The following MXRA8 variants were observed in gnomAD, a reference collection of about 807,000 sequenced individuals.
The protein encoded by MXRA8 is matrix remodeling associated 8.
Under a neutral mutation model 51.4 loss-of-function variants are expected in MXRA8, and 44 were observed. The observed-to-expected ratio is 0.86, with a 90% CI of 0.67 to 1.10. The LOEUF (loss-of-function observed/expected upper bound fraction) is 1.10. MXRA8 is among the 50% of genes least tolerant of loss of function. The pLI is 0.00. For synonymous variants in MXRA8, 369 were observed against 293.5 expected, an observed-to-expected ratio of 1.26 and a Z score of -2.63; for missense variants, 765 against 638.9, an observed-to-expected ratio of 1.20 and a Z score of -2.13.
At chr1:1,358,263 C>T (rs972745641) in intron 1 of MXRA8, among the ~76,000 whole-genome samples, 193 bp downstream of exon 1, 3 of 152,230 alleles carry the variant, frequency 2.0e-5, no homozygotes, top group Non-Finnish European at 4.4e-5. Context: ...GGAGGGGAGG[C>T]TGGCCAAAGT....
chr1:1,354,367 G>C lies in MXRA8; in HGVS notation c.1092C>G (p.Arg364=). 1 of 1,611,380 alleles carries C rather than the reference G, an allele frequency of 6.2e-7. No homozygotes were observed. Among genetic ancestry groups the C allele is most frequent in the South Asian group, 1.1e-5 (1 of 90,944 alleles). Residue 364 remains arginine, a synonymous_variant, in exon 6 of 10, where the codon CGC becomes CGG. Transcript: ENST00000309212. ...LLLVTVLLAA[R]RRRGGYEYSD... ...GGGCAGCCTCACCTCCGCGGCGCCT[G>C]CGGGCGGCCAGGAGGACAGTGACCA...
upstream of MXRA8, chr1:1,361,421 G>A (rs185124059): frequency 7.5e-6 from 5 of 667,336 alleles, no homozygotes; most frequent in African/African-American, 5.3e-5. Flanking sequence ...ATGTGGTGGA[G>A]GGAATGAGAC....
In MXRA8 at chr1:1,354,877, G is replaced by A. The variant is rs747180843; in HGVS notation, c.754C>T (p.Arg252Cys). The A allele has an allele frequency of 3.1e-6, 5 of 1,611,680 alleles. No individual in the cohort carries two copies. The highest frequency in any genetic ancestry group is 2.5e-6 in the Non-Finnish European group (3 of 1,179,522). The stretch of plus-strand genomic sequence containing the variant: ...TCGATACGCAGTGAGAAGTCACCGC[G>A]CTCAAAGGCATCCGCGCCCACAGCC... ...RVAVGADAFE[R>C]GDFSLRIEPL... is the part of the protein sequence containing the mutation. Residue 252 changes from arginine to cysteine, a missense_variant, in exon 5 of 10, where the codon CGC becomes TGC. By Grantham distance (180) the Arg-to-Cys change is radical. Transcript: ENST00000309212.
At chr1:1,363,441 T>TTC (rs1231494328), upstream of MXRA8, among the ~76,000 whole-genome samples, 4 of 64,754 alleles carry the variant, frequency 6.2e-5, no homozygotes, top group Non-Finnish European at 1.5e-4. Flanking sequence ...GTTTTTTCTT[T>TTC]TTTTTTTTTT....
At chr1:1,354,296 C>T (rs1644070517) in intron 6 of MXRA8, 58 bp downstream of exon 6, 2 of 1,598,542 alleles carry the variant, frequency 1.3e-6, no homozygotes, top group African/African-American at 1.3e-5. Context: ...GCCCAGAGGA[C>T]CACCCTCCCG....
rs748112445 is a variant in MXRA8, at chr1:1,358,516, A to G, written c.-12T>C. ...GATGGCAGCGCCATGGCCCCCGCCCAGCCCCAGGCTTTGTCCCACTCGGCT... is the reference window on the plus strand; with the variant it reads ...GATGGCAGCGCCATGGCCCCCGCCCGGCCCCAGGCTTTGTCCCACTCGGCT... On this transcript the variant is annotated 5_prime_UTR_variant, in exon 1 of 10. Coordinates refer to ENST00000309212, the MANE Select transcript of MXRA8 (RefSeq NM_032348.4). 9.3e-6 allele frequency: 15 copies of G among 1,606,312 alleles called. No homozygotes were observed. In the South Asian group the frequency reaches 1.7e-4, roughly 18 times the overall value.
At chr1:1,361,122 T>TGAAG (rs1463126653), upstream of MXRA8, 3 of 695,078 alleles carry the variant, frequency 4.3e-6, no homozygotes, top group African/African-American at 5.3e-5. Context: ...TGCATGCACA[T>TGAAG]GAAGACACAC....
chr1:1,358,412 C>T, intron 1 of MXRA8, 44 bp downstream of exon 1: 1 of 1,575,542 alleles, frequency 6.3e-7, no homozygotes. Context: ...CTCGCACAGC[C>T]CCACGTGCCA....
upstream of MXRA8, chr1:1,359,527 CTTA>C (rs1557687051): frequency 1.0e-6 from 1 of 985,156 alleles, no homozygotes. Context: ...GTGAGCTCTC[CTTA>C]CAGGCCCCGA....
chr1:1,358,198 C>T lies in MXRA8; in HGVS notation c.49+258G>A, dbSNP rs538057965. On this transcript the variant is annotated intron_variant, in intron 1 of 9. Coordinates refer to ENST00000309212, the MANE Select transcript of MXRA8 (RefSeq NM_032348.4). ...GCTGCAGGAGGGGCCCCGAGGGAGA[C>T]GCCGCCGTGCCTGGGCCCCCAGCCC... Among the ~76,000 whole-genome samples, 19 of 152,320 alleles carry T rather than the reference C, an allele frequency of 1.2e-4. No homozygotes were observed. The East Asian group carries it at 2.5e-3, about 20-fold the overall frequency.
rs763990856 is a variant in MXRA8, at chr1:1,354,820, A to G, written c.811T>C (p.Ser271Pro). The change falls in exon 5 of 10, where the codon TCC (serine) becomes CCC (proline). Residue 271 changes from serine to proline, a missense_variant. Transcript: ENST00000309212. ...PLEVADEGTY[S>P]CHLHHHYCGL... is the part of the protein sequence containing the mutation. The stretch of plus-strand genomic sequence containing the variant: ...CAGTAATGGTGGTGCAGGTGGCAGG[A>G]GTAGGTGCCCTCGTCGGCGACCTCC... 12 of 1,612,214 alleles carry G rather than the reference A, an allele frequency of 7.4e-6. No homozygotes were observed. The highest frequency in any genetic ancestry group is 2.2e-5 in the South Asian group (2 of 91,074).
upstream of MXRA8, among the ~76,000 whole-genome samples, chr1:1,360,086 T>G (rs1032575867): frequency 2.0e-5 from 3 of 152,212 alleles, no homozygotes; most frequent in Non-Finnish European, 4.4e-5. Context: ...CCCTCGGGTC[T>G]GGGAGGGCCC....
Position 1,355,073 on chromosome 1 carries a change from G to C in MXRA8, c.558C>G (p.Cys186Trp). 2 of 1,600,036 alleles carry C rather than the reference G, an allele frequency of 1.2e-6. No homozygotes were observed. The highest frequency in any genetic ancestry group is 1.7e-6 in the Non-Finnish European group (2 of 1,175,864). ...CGGTCCACACGTGCCCGCGGTTCACGCAGGTCAGAAGCGCGGGTGCGCCGC... is the reference window on the plus strand; with the variant it reads ...CGGTCCACACGTGCCCGCGGTTCACCCAGGTCAGAAGCGCGGGTGCGCCGC... ...VARGAPALLTCVNRGHVWTDR... is the reference protein window; with the variant it reads ...VARGAPALLTWVNRGHVWTDR... The change falls in exon 5 of 10, where the codon TGC becomes TGG. Residue 186 changes from cysteine (C) to tryptophan (W), a missense_variant. Coordinates refer to ENST00000309212, the MANE Select transcript of MXRA8 (RefSeq NM_032348.4).
intron 1 of MXRA8, among the ~76,000 whole-genome samples, chr1:1,357,655 A>T (rs1295546131): frequency 6.6e-6 from 1 of 152,152 alleles, no homozygotes; most frequent in Non-Finnish European, 1.5e-5. Context: ...AAAATACAAA[A>T]AATTAGCCGG....
intron 3 of MXRA8, 43 bp downstream of exon 3, chr1:1,355,407 A>T (rs1460264523): frequency 6.7e-7 from 1 of 1,489,694 alleles, no homozygotes; most frequent in South Asian, 1.3e-5. Flanking sequence ...GCGGCCCCGG[A>T]CCCCTGCCCC....
Position 1,358,546 on chromosome 1 carries a change from GTC to G in MXRA8, c.-44_-43del, listed in dbSNP as rs774049385. 2.5e-6 allele frequency: 4 copies of G among 1,600,644 alleles called. No homozygotes were observed. Among genetic ancestry groups the G allele is most frequent in the African/African-American group, 2.7e-5 (2 of 74,506 alleles). ...CAGGCTTTGTCCCACTCGGCTCTAA[GTC>G]TCTCTCCAGAAAAACAGCCCTACCC... On this transcript the variant is annotated 5_prime_UTR_variant, in exon 1 of 10. Coordinates refer to ENST00000309212, the MANE Select transcript of MXRA8 (RefSeq NM_032348.4).
chr1:1,361,226 A>G (rs1173997142), upstream of MXRA8: 1 of 703,516 alleles, frequency 1.4e-6, no homozygotes, highest in Non-Finnish European at 2.6e-6. Context: ...GGAAAGACAC[A>G]CACAGAGACA....
In MXRA8 at chr1:1,352,933, G is replaced by A. The variant is rs530581897; in HGVS notation, c.*671C>T. ...TGACTATCAAGGTGGCTGAGAGCAA[G>A]GCTAGGGTAGGGATGGGGCAGAGAA... On this transcript the variant is annotated 3_prime_UTR_variant, in exon 10 of 10. Transcript: ENST00000309212. 3.2e-5 allele frequency: 12 copies of A among 377,750 alleles called. No homozygotes were observed. The South Asian group carries it at 3.3e-4, about 10-fold the overall frequency. The allele number at this position is 377,750 out of a possible 1,614,324, so 23.4% of individuals were successfully genotyped here.
Position 1,355,315 on chromosome 1 carries a change from G to A in MXRA8, c.407C>T (p.Thr136Ile), listed in dbSNP as rs375568751. Reference protein sequence around the residue: ...AVEETDAGLYTCNLHHHYCHL... With the variant: ...AVEETDAGLYICNLHHHYCHL... ...GCAGTAGTGATGGTGCAGGTTGCAG[G>A]TGTACAGCCCCGCGTCCGTCTCCTC... is the stretch of plus-strand genomic sequence containing the variant. Residue 136 changes from threonine (T) to isoleucine (I), a missense_variant, in exon 4 of 10, where the codon ACC becomes ATC. Physicochemically the swap from Thr to Ile is moderately conservative, Grantham distance 89. Coordinates refer to ENST00000309212, the MANE Select transcript of MXRA8 (RefSeq NM_032348.4). 2 of 1,580,312 alleles carry A rather than the reference G, an allele frequency of 1.3e-6. No individual in the cohort carries two copies. Among genetic ancestry groups the A allele is most frequent in the East Asian group, 4.9e-5 (2 of 40,858 alleles).
Sources: gnomAD v4.1 joint callset for allele counts (sites outside exome capture counted in the v4.1 genomes callset) on GRCh38, gnomAD v4.1.1 for gene constraint, MANE v1.5 for transcripts, NCBI Gene and HGNC (gene_info 2026-07-23, HGNC 2026-07-21) for gene names.